The following TRPC5 variants were observed in gnomAD, a reference collection of about 807,000 sequenced individuals.
The protein encoded by TRPC5 is transient receptor potential cation channel subfamily C member 5.
Under a neutral mutation model 56.5 loss-of-function variants are expected in TRPC5, and 9 were observed. The ratio of observed to expected loss-of-function variants is 0.16; its 90% CI spans 0.10 to 0.28. The LOEUF (loss-of-function observed/expected upper bound fraction) is 0.28, where lower values mean the gene tolerates loss of function less well. Among genes scored for constraint, TRPC5 ranks in the 10% least tolerant of loss-of-function variants. The probability of loss-of-function intolerance (pLI) is 1.00; values close to 1 mark genes in which losing one functional copy is unlikely to be tolerated. For synonymous variants in TRPC5, 282 were observed against 278.5 expected (o/e 1.01, Z -0.13); for missense variants, 469 against 748.9 (o/e 0.63, Z 4.36).
At chrX:112,065,373 A>T (rs750409535) in intron 1 of TRPC5, among the ~76,000 whole-genome samples, 1 of 111,868 alleles carries the variant, frequency 8.9e-6, no homozygotes, top group South Asian at 3.8e-4. Flanking sequence ...AGGCCAGAAA[A>T]CTGGGAGTCA....
At chrX:111,926,466 G>C (rs1926260835) in intron 2 of TRPC5, among the ~76,000 whole-genome samples, 1 of 111,888 alleles carries the variant, frequency 8.9e-6, no homozygotes, top group African/African-American at 3.3e-5. Context: ...ATAGCCATAT[G>C]ACTACCTTAC....
chrX:111,777,110 A>G (rs962447427), intron 10 of TRPC5, 108 bp from the exon 11 acceptor site: 1 of 556,765 alleles, frequency 1.8e-6, no homozygotes, highest in East Asian at 3.5e-5. Flanking sequence ...GTAGCAAATC[A>G]CAAAACACCA....
chrX:111,854,755 T>C (rs1006154075), intron 3 of TRPC5, among the ~76,000 whole-genome samples: 1 of 112,293 alleles, frequency 8.9e-6, no homozygotes, highest in Non-Finnish European at 1.9e-5. Context: ...ATTTTGTTTT[T>C]ATTTTTCTTG....
chrX:111,949,740 C>T (rs1927025315), intron 2 of TRPC5, among the ~76,000 whole-genome samples: 1 of 111,539 alleles, frequency 9.0e-6, no homozygotes, highest in Non-Finnish European at 1.9e-5. Context: ...TTCTATGCTG[C>T]TGCTGGGAAT....
chrX:111,825,411 C>T (rs1194099616), intron 7 of TRPC5, among the ~76,000 whole-genome samples: 4 of 107,833 alleles, frequency 3.7e-5, no homozygotes, highest in Non-Finnish European at 7.6e-5. Context: ...ACCACCATAC[C>T]CAGCTCATTT....
In TRPC5 at chrX:111,907,886, C is replaced by A. The variant is rs1925684102; in HGVS notation, c.900+4405G>T. Among the ~76,000 whole-genome samples the A allele has an allele frequency of 3.6e-5, 4 of 110,842 alleles. No individual in the cohort carries two copies. The Admixed American group carries it at 3.9e-4, about 11-fold the overall frequency. ...TTTAAGACCAGATTTTGGATATTTA[C>A]TGAACAGACTTATCAGTCTGATTCC... On this transcript the variant is annotated intron_variant, in intron 3 of 10. Transcript: ENST00000262839.
chrX:112,000,726 AC>A (rs1363045046), intron 1 of TRPC5, among the ~76,000 whole-genome samples: 1 of 112,380 alleles, frequency 8.9e-6, no homozygotes, highest in Non-Finnish European at 1.9e-5. Flanking sequence ...TAAGCACCTA[AC>A]AAAAATGCAA....
intron 2 of TRPC5, among the ~76,000 whole-genome samples, chrX:111,921,272 G>T (rs1926120324): frequency 9.0e-6 from 1 of 110,925 alleles, no homozygotes; most frequent in Non-Finnish European, 1.9e-5. Flanking sequence ...TAAGTGAATG[G>T]GTATGGCTGT....
At chrX:111,870,106 A>G (rs1923699784) in intron 3 of TRPC5, among the ~76,000 whole-genome samples, 1 of 112,129 alleles carries the variant, frequency 8.9e-6, no homozygotes, top group Non-Finnish European at 1.9e-5. Flanking sequence ...TGATGGGATA[A>G]TTCTTTGAGA....
At chrX:112,054,674 G>A (rs1045713271) in intron 1 of TRPC5, among the ~76,000 whole-genome samples, 3 of 111,095 alleles carry the variant, frequency 2.7e-5, no homozygotes, top group African/African-American at 9.8e-5. Context: ...GCCAGAACTA[G>A]AGATCTGAAC....
At chrX:111,936,952 G>T (rs1216263445) in intron 2 of TRPC5, among the ~76,000 whole-genome samples, 1 of 105,016 alleles carries the variant, frequency 9.5e-6, no homozygotes, top group African/African-American at 3.7e-5. Context: ...CTAGTTTACA[G>T]TCCCACCAAC....
At chrX:112,074,812 C>T (rs567999680) in intron 1 of TRPC5, among the ~76,000 whole-genome samples, 51 of 112,346 alleles carry the variant, frequency 4.5e-4, no homozygotes, top group Non-Finnish European at 8.8e-4. Flanking sequence ...AGCGAATATT[C>T]GCCAAGTGAT....
chrX:112,007,108 G>A (rs1928865403), intron 1 of TRPC5, among the ~76,000 whole-genome samples: 1 of 110,857 alleles, frequency 9.0e-6, no homozygotes, highest in Admixed American at 9.6e-5. Flanking sequence ...GTGGTGGTGA[G>A]GCTAGGAATA....
intron 3 of TRPC5, among the ~76,000 whole-genome samples, chrX:111,907,045 A>G (rs1040705715): frequency 9.2e-6 from 1 of 108,150 alleles, no homozygotes; most frequent in Non-Finnish European, 1.9e-5. Context: ...TCTTTGAATA[A>G]TTCTGTTCCT....
intron 2 of TRPC5, among the ~76,000 whole-genome samples, chrX:111,925,322 G>A (rs1171010792): frequency 8.9e-6 from 1 of 112,505 alleles, no homozygotes; most frequent in Admixed American, 9.4e-5. Context: ...TGTTGGAAGA[G>A]ATCAGGAATT....
chrX:112,004,942 T>A (rs1055850781), intron 1 of TRPC5, among the ~76,000 whole-genome samples: 33 of 111,404 alleles, frequency 3.0e-4, no homozygotes, highest in African/African-American at 1.1e-3. Flanking sequence ...GGAAATTGGT[T>A]AAGAAGCTAC....
At chrX:111,787,451 G>T (rs1450907844) in intron 7 of TRPC5, among the ~76,000 whole-genome samples, 1 of 111,014 alleles carries the variant, frequency 9.0e-6, no homozygotes, top group African/African-American at 3.3e-5. Context: ...ACAAGAGAAA[G>T]CAGGAAAGAT....
At chrX:111,836,911 C>T (rs1569526199) in intron 6 of TRPC5, among the ~76,000 whole-genome samples, 1 of 112,481 alleles carries the variant, frequency 8.9e-6, no homozygotes, top group Non-Finnish European at 1.9e-5. Flanking sequence ...TAAGGCTGTG[C>T]TCTCCACTGG....
At chrX:112,059,101 A>G (rs1320120579) in intron 1 of TRPC5, among the ~76,000 whole-genome samples, 1 of 111,760 alleles carries the variant, frequency 8.9e-6, no homozygotes, top group African/African-American at 3.3e-5. Flanking sequence ...TCCATTCTCA[A>G]AAAGTGACAT....
Sources: allele counts gnomAD v4.1 joint callset (sites outside exome capture counted in the v4.1 genomes callset), GRCh38; gene constraint gnomAD v4.1.1; transcripts MANE v1.5; gene names NCBI Gene and HGNC (gene_info 2026-07-23, HGNC 2026-07-21).